The following KALRN variants were observed in gnomAD, a reference collection of about 807,000 sequenced individuals.
KALRN encodes the protein kalirin RhoGEF kinase, also known as kalirin.
KALRN carries 70 observed loss-of-function variants against 353.7 expected under a neutral mutation model. That is an observed-to-expected ratio of 0.20 (90% CI 0.16 to 0.24). The LOEUF (loss-of-function observed/expected upper bound fraction) is 0.24. KALRN is among the 10% of genes least tolerant of loss of function. The probability of loss-of-function intolerance (pLI) is 1.00; values close to 1 mark genes in which losing one functional copy is unlikely to be tolerated. For synonymous variants in KALRN, 1,391 were observed against 1,434.8 expected, an observed-to-expected ratio of 0.97 and a Z score of 0.69; for missense variants, 2,791 against 3,756.7, an observed-to-expected ratio of 0.74 and a Z score of 6.72.
In KALRN at chr3:124,632,513, C is replaced by G. The variant is rs753063935; in HGVS notation, c.5276C>G (p.Ser1759Cys). 6.2e-7 allele frequency: 1 copy of G among 1,614,226 alleles called. No individual in the cohort carries two copies. The highest frequency in any genetic ancestry group is 1.7e-5 in the Admixed American group (1 of 60,034). The change falls in exon 35 of 60, where the codon TCC becomes TGC. Residue 1759 changes from serine to cysteine, a missense_variant. Ser to Cys is a moderately radical substitution (Grantham distance 112, BLOSUM62 -1). Around this residue, in one of 11 missense-constraint regions of KALRN, gnomAD observed 1,065 missense variants for 1,156.4 expected, o/e 0.92. Coordinates refer to ENST00000682506, the MANE Select transcript of KALRN (RefSeq NM_001388419.1). ...AQPSLNSIHS[S>C]PGPKRSTNTL... ...CCCTCCCTGAACTCCATCCACAGTTCCCCGGGTCCCAAGCGCTCCACCAAC... is the reference window on the plus strand; with the variant it reads ...CCCTCCCTGAACTCCATCCACAGTTGCCCGGGTCCCAAGCGCTCCACCAAC...
intron 1 of KALRN, chr3:124,080,110 C>A (rs2060464587): frequency 2.1e-6 from 1 of 470,280 alleles, no homozygotes; most frequent in South Asian, 1.6e-5. Flanking sequence ...AACTCTAGTA[C>A]TTGCAGGCTG....
chr3:124,599,179 G>A (rs34904084), intron 34 of KALRN, among the ~76,000 whole-genome samples: 23,538 of 152,152 alleles, frequency 0.15, 1,952 homozygotes, highest in Middle Eastern at 0.19. Flanking sequence ...AAGTATTTCC[G>A]AAAGGTTTTG....
intron 25 of KALRN, among the ~76,000 whole-genome samples, chr3:124,472,171 C>T (rs75255423): frequency 0.014 from 2,129 of 152,208 alleles, 21 homozygotes; most frequent in Non-Finnish European, 0.022. Context: ...ATAAAATTGC[C>T]AGCACTGTCT....
At chr3:124,044,424 C>A (rs774680866) in intron 1 of KALRN, among the ~76,000 whole-genome samples, 1 of 152,056 alleles carries the variant, frequency 6.6e-6, no homozygotes, top group African/African-American at 2.4e-5. Context: ...CAAGTTATAA[C>A]CACTCCAAGC....
At chr3:124,556,912 A>T (rs1501188) in intron 33 of KALRN, among the ~76,000 whole-genome samples, 17,847 of 152,222 alleles carry the variant, frequency 0.12, 1,531 homozygotes, top group African/African-American at 0.24. Context: ...ACACAGTTAT[A>T]TATACAACTG....
At position 124,422,827 on chromosome 3, in the gene KALRN, G is replaced by T; in HGVS notation, c.2558G>T (p.Cys853Phe). The T allele has an allele frequency of 6.2e-7, 1 of 1,613,758 alleles. No homozygotes were observed. The highest frequency in any genetic ancestry group is 8.5e-7 in the Non-Finnish European group (1 of 1,179,768). The change falls in exon 15 of 60, where the codon TGT becomes TTT. Residue 853 changes from cysteine to phenylalanine, a missense_variant. Transcript: ENST00000682506. ...EVQASGIELI[C>F]EKDIDLAAQV... ...TTAAAATCAGGAATTGAGTTGATCT[G>T]TGAAAAAGACATTGATCTGGCAGCC... is the stretch of plus-strand genomic sequence containing the variant.
intron 21 of KALRN, among the ~76,000 whole-genome samples, chr3:124,448,708 G>A (rs1371636913): frequency 1.4e-5 from 2 of 141,142 alleles, no homozygotes; most frequent in Admixed American, 7.7e-5. Flanking sequence ...GCCCTTGTCC[G>A]TATAACCCTT....
rs139363507 is a variant in KALRN, at chr3:124,050,867, T to C, written c.73+17054T>C. ...TATTTTGGATGTCAACAGCTGAACA[T>C]TGACGCTTTCTCTTTGCCTGCTGCT... On this transcript the variant is annotated intron_variant, in intron 1 of 59. Transcript: ENST00000682506. Among the ~76,000 whole-genome samples the C allele has an allele frequency of 1.4e-4, 21 of 152,286 alleles. No homozygotes were observed. The East Asian group carries it at 4.0e-3, about 29-fold the overall frequency.
intron 1 of KALRN, among the ~76,000 whole-genome samples, chr3:124,153,231 A>C (rs1227804641): frequency 1.4e-5 from 2 of 147,864 alleles, no homozygotes; most frequent in Non-Finnish European, 3.0e-5. Flanking sequence ...CTCATCATTT[A>C]GCATTAGGTA....
intron 3 of KALRN, among the ~76,000 whole-genome samples, chr3:124,237,397 C>G (rs975589446): frequency 2.1e-5 from 3 of 145,648 alleles, no homozygotes; most frequent in Middle Eastern, 3.8e-3. Flanking sequence ...GAGTCTCACT[C>G]TATCACCCAG....
chr3:124,334,370 C>T lies in KALRN; in HGVS notation c.1522C>T (p.Gln508Ter). Residue 508 changes from glutamine (Q) to a stop codon, truncating the protein, a stop_gained, in exon 9 of 60, where the codon CAG (glutamine) becomes TAG (stop). Transcript: ENST00000682506. LOFTEE classifies it high-confidence loss of function. The surrounding 1 kb of genome is among the most constrained non-coding windows in gnomAD (Gnocchi z 4.2). ...ATANYSKAVHQVLDVVHEVLH... is the reference protein window; with the variant it reads ...ATANYSKAVH ...AGCCAACTACTCCAAGGCAGTGCAC[C>T]AGGTGCTGGACGTGGTGCATGAGGT... is the stretch of plus-strand genomic sequence containing the variant. 1 of 1,614,254 alleles carries T rather than the reference C, an allele frequency of 6.2e-7. No individual in the cohort carries two copies. Among genetic ancestry groups the T allele is most frequent in the Non-Finnish European group, 8.5e-7 (1 of 1,180,042 alleles).
intron 1 of KALRN, among the ~76,000 whole-genome samples, chr3:124,092,783 A>G (rs2061198209): frequency 6.6e-6 from 1 of 152,244 alleles, no homozygotes; most frequent in African/African-American, 2.4e-5. Context: ...TACTGGAGAA[A>G]GTGATTCCCA....
At chr3:124,469,169 G>T (rs956363557) in intron 25 of KALRN, among the ~76,000 whole-genome samples, 1 of 152,226 alleles carries the variant, frequency 6.6e-6, no homozygotes, top group Non-Finnish European at 1.5e-5. Flanking sequence ...ATTAGACAAA[G>T]TTAGAAGATA....
At chr3:124,572,627 G>T (rs1325369597) in intron 34 of KALRN, among the ~76,000 whole-genome samples, 1 of 152,192 alleles carries the variant, frequency 6.6e-6, no homozygotes, top group African/African-American at 2.4e-5. Context: ...GAGTTGCTGG[G>T]AGGCTCAAGG....
intron 10 of KALRN, among the ~76,000 whole-genome samples, chr3:124,357,452 C>T (rs1299689798): frequency 6.6e-6 from 1 of 152,188 alleles, no homozygotes; most frequent in East Asian, 1.9e-4. Flanking sequence ...TTATGACCTG[C>T]CCATTACTTT....
intron 32 of KALRN, among the ~76,000 whole-genome samples, chr3:124,495,957 GTATGTATGTA>G (rs1385404741): frequency 2.3e-5 from 1 of 44,222 alleles, no homozygotes; most frequent in African/African-American, 8.7e-5. Flanking sequence ...GTGTGTATGT[GTATGTATGTA>G]TATATATATA....
chr3:124,067,797 A>C (rs1329195677), intron 1 of KALRN, among the ~76,000 whole-genome samples: 1 of 152,188 alleles, frequency 6.6e-6, no homozygotes, highest in Non-Finnish European at 1.5e-5. Context: ...TGGCCAGGGG[A>C]GCCACTCACC....
At chr3:124,174,156 A>G (rs1246902625) in intron 1 of KALRN, among the ~76,000 whole-genome samples, 1 of 152,128 alleles carries the variant, frequency 6.6e-6, no homozygotes, top group Non-Finnish European at 1.5e-5. Context: ...CATTTGGGCC[A>G]GGCATGGTAG....
intron 25 of KALRN, among the ~76,000 whole-genome samples, chr3:124,472,933 T>C (rs1230299063): frequency 2.6e-5 from 4 of 152,172 alleles, no homozygotes; most frequent in Admixed American, 2.6e-4. Context: ...ACAAACTGGG[T>C]ACAGCTAGGA....
Sources: allele counts gnomAD v4.1 joint callset (sites outside exome capture counted in the v4.1 genomes callset), GRCh38; gene constraint gnomAD v4.1.1; regional missense constraint gnomAD v4.1.1; non-coding constraint Gnocchi (gnomAD v3.1); transcripts MANE v1.5; gene names NCBI Gene and HGNC (gene_info 2026-07-23, HGNC 2026-07-21).